UBA52: variants seen among roughly 807,000 people sequenced by gnomAD.
UBA52 encodes ubiquitin A-52 residue ribosomal protein fusion product 1.
In UBA52, 1 loss-of-function variant was observed where a neutral mutation model predicts 15.3. That is an observed-to-expected ratio of 0.07 (90% confidence interval 0.02 to 0.31). The LOEUF (loss-of-function observed/expected upper bound fraction) is 0.31, where lower values mean the gene tolerates loss of function less well. Among genes scored for constraint, UBA52 ranks in the 10% least tolerant of loss-of-function variants. UBA52 has a pLI of 1.00. For synonymous variants in UBA52, 50 were observed against 58.3 expected (o/e 0.86, Z 0.65); for missense variants, 87 against 168.0 (o/e 0.52, Z 2.66).
rs12150991 is a variant in UBA52, at chr19:18,577,217, C to T, written c.*2067C>T. ...CTTCCTGGGCCAGTTTGGGGACTTTCACAAAAGACCCCCATGACTCAGGGT... is the reference window on the plus strand; with the variant it reads ...CTTCCTGGGCCAGTTTGGGGACTTTTACAAAAGACCCCCATGACTCAGGGT... On this transcript the variant is annotated 3_prime_UTR_variant, in exon 5 of 5. Transcript: ENST00000442744. 0.46 allele frequency: 70,206 copies of T among 151,484 alleles called. 18,504 individuals carry two copies. Among genetic ancestry groups the T allele is most frequent in the East Asian group, 0.66 (3,354 of 5,112 alleles). The allele number at this position is 151,484 out of a possible 1,614,324, so 9.4% of individuals were successfully genotyped here. A position where few individuals can be genotyped will look rare whatever the true frequency, so the allele number is the denominator to read the frequency against.
At chr19:18,573,809 T>C (rs991434262) in intron 3 of UBA52, 61 bp downstream of exon 3, 16 of 1,517,046 alleles carry the variant, frequency 1.1e-5, no homozygotes, top group Middle Eastern at 1.7e-4. Flanking sequence ...GAAAGGAGCA[T>C]TGATGGCCTC....
the UBA52 span, among the ~76,000 whole-genome samples, chr19:18,565,394 G>T: frequency 5.9e-5 from 9 of 151,868 alleles, no homozygotes; most frequent in Admixed American, 3.3e-4. Flanking sequence ...CACGCCTGGA[G>T]AATTTTTTGT....
rs1280220627 is a variant in UBA52, at chr19:18,576,284, G to A, written c.*1134G>A. ...CTCCGAAGTAGCCAGGACTACAGGT[G>A]TGCACCCACCACCACACTCAGATAA... On this transcript the variant is annotated 3_prime_UTR_variant, in exon 5 of 5. Coordinates refer to ENST00000442744, the MANE Select transcript of UBA52 (RefSeq NM_001033930.3). The A allele has an allele frequency of 6.6e-6, 1 of 152,324 alleles. No homozygotes were observed. The highest frequency in any genetic ancestry group is 2.1e-4 in the South Asian group (1 of 4,836). 9.4% of individuals were successfully genotyped at this position (152,324 alleles called of 1,614,324 possible).
chr19:18,571,748 TG>T (rs1309524195), upstream of UBA52: 2 of 152,194 alleles, frequency 1.3e-5, no homozygotes, highest in African/African-American at 4.8e-5. Flanking sequence ...GCATCCAAGA[TG>T]GCGGCAGGGC....
chr19:18,567,240 T>G (rs367570708), upstream of UBA52: 16 of 1,552,060 alleles, frequency 1.0e-5, no homozygotes, highest in South Asian at 1.8e-4. Flanking sequence ...AGGGCAGGCT[T>G]CTGGAAGGCC....
upstream of UBA52, chr19:18,568,805 T>C (rs1035275903): frequency 3.3e-5 from 20 of 599,362 alleles, no homozygotes; most frequent in Non-Finnish European, 5.6e-5. Context: ...GGGGGGTCTT[T>C]AATTCTGGCT....
chr19:18,565,167 C>T, the UBA52 span: 1 of 1,436,520 alleles, frequency 7.0e-7, no homozygotes, highest in African/African-American at 1.4e-5. Context: ...TGGGACAATT[C>T]CAACCCTGGG....
At chr19:18,573,561 G>C (rs1975616558) in intron 2 of UBA52, 101 bp from the exon 3 acceptor site, 1 of 1,375,458 alleles carries the variant, frequency 7.3e-7, no homozygotes, top group African/African-American at 1.4e-5. Context: ...TACCTCAGTT[G>C]GCCTTTTGAG....
upstream of UBA52, chr19:18,569,240 A>G (rs1482478537): frequency 6.5e-6 from 1 of 153,066 alleles, no homozygotes; most frequent in Non-Finnish European, 1.5e-5. Context: ...CTGAGGGGCC[A>G]GCAGGCCTCT....
upstream of UBA52, among the ~76,000 whole-genome samples, chr19:18,570,518 T>C (rs1048902341): frequency 7.1e-6 from 1 of 140,548 alleles, no homozygotes; most frequent in Non-Finnish European, 1.6e-5. Context: ...TTTTTTTTTT[T>C]TTTTTTTTTT....
At chr19:18,564,349 C>T in the UBA52 span, among the ~76,000 whole-genome samples, 5 of 152,040 alleles carry the variant, frequency 3.3e-5, no homozygotes, top group African/African-American at 9.7e-5. Context: ...GGGCCAGGCA[C>T]GATGGCTCAC....
the UBA52 span, among the ~76,000 whole-genome samples, chr19:18,564,478 A>C: frequency 1.3e-5 from 2 of 152,028 alleles, no homozygotes; most frequent in Non-Finnish European, 2.9e-5. Flanking sequence ...AAAATTAGCC[A>C]GGCATGGTGG....
chr19:18,573,795 C>T (rs866129220), intron 3 of UBA52, 47 bp downstream of exon 3: 1 of 1,579,908 alleles, frequency 6.3e-7, no homozygotes, highest in Non-Finnish European at 8.7e-7. Context: ...TCCCCAGGTC[C>T]TAGGAAAGGA....
At chr19:18,573,967 G>A (rs1483798490) in intron 3 of UBA52, among the ~76,000 whole-genome samples, 2 of 146,304 alleles carry the variant, frequency 1.4e-5, no homozygotes, top group Non-Finnish European at 3.1e-5. Context: ...CCTGGACAAC[G>A]TGGTGAAATC....
At chr19:18,572,928 G>A in intron 1 of UBA52, 1 of 1,104,946 alleles carries the variant, frequency 9.1e-7, no homozygotes, top group Non-Finnish European at 1.1e-6. Context: ...ACCGCCTTCA[G>A]GGAAGATGGA....
At chr19:18,564,936 C>G in the UBA52 span, 3 of 1,613,426 alleles carry the variant, frequency 1.9e-6, no homozygotes, top group Non-Finnish European at 2.5e-6. Flanking sequence ...TGCCCGCCTG[C>G]AGCAGATGAG....
upstream of UBA52, chr19:18,568,928 C>A: frequency 6.8e-6 from 3 of 442,370 alleles, no homozygotes; most frequent in Non-Finnish European, 8.2e-6. Flanking sequence ...CAGAGCTGAG[C>A]CTGACGTCTG....
upstream of UBA52, chr19:18,568,446 A>T: frequency 6.2e-7 from 1 of 1,614,050 alleles, no homozygotes; most frequent in Non-Finnish European, 8.5e-7. Flanking sequence ...TGAAGACCCC[A>T]TCCCACCCAG....
Position 18,575,602 on chromosome 19 carries a change from T to G in UBA52, c.*452T>G, listed in dbSNP as rs1975748975. ...AACGTTGATTCTCAAATTTTTTTAT[T>G]TTATACAAATGGGGTCTCACTATGT... is the stretch of plus-strand genomic sequence containing the variant. On this transcript the variant is annotated 3_prime_UTR_variant, in exon 5 of 5. Coordinates refer to ENST00000442744, the MANE Select transcript of UBA52 (RefSeq NM_001033930.3). The G allele has an allele frequency of 1.0e-5, 2 of 190,994 alleles. No homozygotes were observed. The highest frequency in any genetic ancestry group is 2.4e-5 in the African/African-American group (1 of 42,164). 11.8% of individuals were successfully genotyped at this position (190,994 alleles called of 1,614,324 possible). A position where few individuals can be genotyped will look rare whatever the true frequency, so the allele number is the denominator to read the frequency against.
Sources: gnomAD v4.1 joint callset for allele counts (sites outside exome capture counted in the v4.1 genomes callset) on GRCh38, gnomAD v4.1.1 for gene constraint, MANE v1.5 for transcripts, NCBI Gene and HGNC (gene_info 2026-07-23, HGNC 2026-07-21) for gene names.